The following ASPG variants were observed in gnomAD, a reference collection of about 807,000 sequenced individuals.
ASPG encodes the protein 60 kDa lysophospholipase.
ASPG carries 53 observed loss-of-function variants against 63.2 expected under a neutral mutation model. That is an observed-to-expected ratio of 0.84 (90% CI 0.67 to 1.05). ASPG has a LOEUF of 1.05. Among genes scored for constraint, ASPG ranks in the 50% least tolerant of loss-of-function variants. The probability of loss-of-function intolerance (pLI) is 0.00; values close to 1 mark genes in which losing one functional copy is unlikely to be tolerated. For missense variants in ASPG, 741 were observed against 794.4 expected, an observed-to-expected ratio of 0.93 and a Z score of 0.81; for synonymous variants, 370 against 355.0, an observed-to-expected ratio of 1.04 and a Z score of -0.48.
chr14:104,106,971 C>T, intron 11 of ASPG, 77 bp downstream of exon 11: 1 of 1,430,608 alleles, frequency 7.0e-7, no homozygotes, highest in East Asian at 2.5e-5. Flanking sequence ...GGCAGGACGG[C>T]CTTTCATCCA....
Position 104,104,457 on chromosome 14 carries a change from G to GT in ASPG, c.907_908insT (p.Ala303ValfsTer111), listed in dbSNP as rs2037026474. 2 of 1,612,398 alleles carry GT rather than the reference G, an allele frequency of 1.2e-6. No individual in the cohort carries two copies. The highest frequency in any genetic ancestry group is 2.7e-5 in the African/African-American group (2 of 74,940). On this transcript the variant is annotated frameshift_variant, in exon 8 of 16. Transcript: ENST00000551177. LOFTEE classifies it high-confidence loss of function. ...CAACTGTACCCACTGCCTCCAGGGG[G>GT]CTGTGACCACAGACTATGCAGCTGG...
At chr14:104,098,615 C>T (rs2036731803) in intron 5 of ASPG, among the ~76,000 whole-genome samples, 1 of 152,030 alleles carries the variant, frequency 6.6e-6, no homozygotes. Context: ...GCCCCAGGCC[C>T]TGGGGTCCCC....
rs1042496375 is a variant in ASPG, at chr14:104,114,399, G to A, written c.*1855G>A. On this transcript the variant is annotated 3_prime_UTR_variant, in exon 16 of 16. Coordinates refer to ENST00000551177, the MANE Select transcript of ASPG (RefSeq NM_001080464.3). ...ATGGGGAGAGCTCCTCACAAGGCTG[G>A]GCAGCCAGACCCCCATTGTCAGTCC... The A allele has an allele frequency of 1.3e-5, 2 of 152,368 alleles. No individual in the cohort carries two copies. The highest frequency in any genetic ancestry group is 2.9e-5 in the Non-Finnish European group (2 of 68,142). 9.4% of individuals were successfully genotyped at this position (152,368 alleles called of 1,614,324 possible). A position where few individuals can be genotyped will look rare whatever the true frequency, so the allele number is the denominator to read the frequency against.
At chr14:104,088,584 C>T (rs1744280) in intron 1 of ASPG, among the ~76,000 whole-genome samples, 91,815 of 152,098 alleles carry the variant, frequency 0.6, 28,699 homozygotes, top group East Asian at 0.87. Context: ...GGGCAGAGAT[C>T]TGGGGCCAGG....
At chr14:104,111,441 G>A (rs1566844240) in intron 13 of ASPG, 61 bp from the exon 14 acceptor site, 18 of 1,405,622 alleles carry the variant, frequency 1.3e-5, no homozygotes, top group Middle Eastern at 2.3e-4. Flanking sequence ...GGACAGGCAC[G>A]TGGGCAGATG....
At chr14:104,103,427 G>A (rs2036970283) in intron 6 of ASPG, 136 bp from the exon 7 acceptor site, 7 of 722,102 alleles carry the variant, frequency 9.7e-6, no homozygotes, top group Non-Finnish European at 1.6e-5. Context: ...GAGGCAGGGC[G>A]AGGGGGCTGA....
intron 6 of ASPG, 87 bp downstream of exon 6, chr14:104,099,066 G>T: frequency 6.7e-7 from 1 of 1,500,282 alleles, no homozygotes; most frequent in Non-Finnish European, 8.9e-7. Flanking sequence ...GCTGGGACTC[G>T]GCAGAGTTTG....
chr14:104,106,728 A>T, intron 10 of ASPG, 71 bp from the exon 11 acceptor site: 1 of 1,370,016 alleles, frequency 7.3e-7, no homozygotes, highest in Non-Finnish European at 1.0e-6. Flanking sequence ...GTCATACAGC[A>T]CCGGGGACTG....
At chr14:104,103,993 G>A (rs1194843174) in intron 7 of ASPG, among the ~76,000 whole-genome samples, 2 of 152,256 alleles carry the variant, frequency 1.3e-5, no homozygotes, top group Non-Finnish European at 2.9e-5. Flanking sequence ...GGACAAGGGT[G>A]TTTGCTCTGG....
At chr14:104,098,112 GCGTATGGAGGTTCTCCGTTAGAGATA>G (rs2036703363) in intron 5 of ASPG, among the ~76,000 whole-genome samples, 12 of 29,158 alleles carry the variant, frequency 4.1e-4, no homozygotes, top group African/African-American at 2.3e-3. Context: ...CGTTAGAGAT[GCGTATGGAGGTTCTCCGTTAGAGATA>G]CGTATGGAGG....
At chr14:104,090,546 C>T (rs867866501) in intron 1 of ASPG, among the ~76,000 whole-genome samples, 2 of 152,256 alleles carry the variant, frequency 1.3e-5, no homozygotes, top group South Asian at 2.1e-4. Context: ...TCCGTCCTGA[C>T]GCTCTGCGGG....
intron 3 of ASPG, among the ~76,000 whole-genome samples, chr14:104,094,938 G>A (rs1016763308): frequency 1.3e-5 from 2 of 152,156 alleles, no homozygotes; most frequent in Non-Finnish European, 2.9e-5. Flanking sequence ...TGGAGCCCTG[G>A]GCTCTCGGAA....
intron 1 of ASPG, among the ~76,000 whole-genome samples, chr14:104,089,318 G>C (rs1033069553): frequency 6.6e-6 from 1 of 152,082 alleles, no homozygotes; most frequent in Non-Finnish European, 1.5e-5. Context: ...TTCAAGACCA[G>C]CCATGGACAA....
In ASPG at chr14:104,105,468, G is replaced by T; in HGVS notation, c.1173+18G>T. The T allele has an allele frequency of 6.5e-7, 1 of 1,546,860 alleles. No individual in the cohort carries two copies. On this transcript the variant is annotated intron_variant, in intron 10 of 15. Transcript: ENST00000551177. ...GCAGCCAGGTAATGGCGTGGGACAC[G>T]GGCCTGAGTGGCAGCTGGGGACTGT...
At chr14:104,094,028 G>C (rs2036486046) in intron 3 of ASPG, among the ~76,000 whole-genome samples, 1 of 151,938 alleles carries the variant, frequency 6.6e-6, no homozygotes, top group Admixed American at 6.6e-5. Flanking sequence ...TGCAGGGTCT[G>C]GGGTGGAGTC....
At position 104,092,750 on chromosome 14, in the gene ASPG, G is replaced by C; in HGVS notation, c.191+9G>C. ...GACACCCTGGTGCTACCGTGAGTGT[G>C]GGCTCCTCCCAGTCCCGGACAGGGC... On this transcript the variant is annotated intron_variant, in intron 2 of 15. Transcript: ENST00000551177. The C allele has an allele frequency of 1.3e-6, 2 of 1,533,674 alleles. No individual in the cohort carries two copies. The highest frequency in any genetic ancestry group is 1.7e-6 in the Non-Finnish European group (2 of 1,145,106).
intron 14 of ASPG, 123 bp downstream of exon 14, chr14:104,111,724 C>T (rs1256278778): frequency 4.4e-6 from 4 of 913,056 alleles, no homozygotes; most frequent in Non-Finnish European, 6.7e-6. Context: ...ATGCCTGGCC[C>T]TCCCCATGCA....
chr14:104,095,050 G>A (rs1472565621), intron 3 of ASPG, among the ~76,000 whole-genome samples: 1 of 152,202 alleles, frequency 6.6e-6, no homozygotes, highest in Non-Finnish European at 1.5e-5. Context: ...TCGGTGTCCT[G>A]CCCGGCCGCC....
At chr14:104,108,599 G>A (rs960718903) in intron 12 of ASPG, 3 of 985,308 alleles carry the variant, frequency 3.0e-6, no homozygotes, top group African/African-American at 3.5e-5. Flanking sequence ...AGCGATTATG[G>A]CACAGTCTTT....
Sources: gnomAD v4.1 joint callset for allele counts (sites outside exome capture counted in the v4.1 genomes callset) on GRCh38, gnomAD v4.1.1 for gene constraint, MANE v1.5 for transcripts, NCBI Gene and HGNC (gene_info 2026-07-23, HGNC 2026-07-21) for gene names.